The following ONECUT1 variants were observed in gnomAD, a reference collection of about 807,000 sequenced individuals.
ONECUT1 encodes the protein hepatocyte nuclear factor 6.
ONECUT1 carries 12 observed loss-of-function variants against 25.6 expected under a neutral mutation model. That is an observed-to-expected ratio of 0.47 (90% CI 0.30 to 0.76). The LOEUF (loss-of-function observed/expected upper bound fraction) is 0.76. ONECUT1 is among the 30% of genes least tolerant of loss of function. The probability of loss-of-function intolerance (pLI) is 0.07; values close to 1 mark genes in which losing one functional copy is unlikely to be tolerated. For synonymous variants in ONECUT1, 285 were observed against 270.2 expected (o/e 1.05, Z -0.54); for missense variants, 620 against 651.2 (o/e 0.95, Z 0.52).
intron 1 of ONECUT1, among the ~76,000 whole-genome samples, chr15:52,776,184 C>A (rs1316729703): frequency 2.6e-5 from 4 of 152,242 alleles, no homozygotes; most frequent in Non-Finnish European, 5.9e-5. Flanking sequence ...AACAATCTAA[C>A]TGATTGGATG....
At chr15:52,778,813 C>T (rs1273059424) in intron 1 of ONECUT1, among the ~76,000 whole-genome samples, 2 of 152,140 alleles carry the variant, frequency 1.3e-5, no homozygotes, top group East Asian at 3.9e-4. Context: ...GATACATAGT[C>T]ATCATAGAAG....
chr15:52,777,522 A>G (rs922513668), intron 1 of ONECUT1, among the ~76,000 whole-genome samples: 40 of 152,272 alleles, frequency 2.6e-4, no homozygotes, highest in African/African-American at 9.6e-4. Context: ...TTTTAGCTTC[A>G]TAGTAATTCT....
intron 1 of ONECUT1, among the ~76,000 whole-genome samples, chr15:52,761,751 A>G (rs1265005060): frequency 6.6e-6 from 1 of 152,234 alleles, no homozygotes; most frequent in Non-Finnish European, 1.5e-5. Context: ...TTGGGCGGTC[A>G]AATCAAGAAG....
At position 52,788,693 on chromosome 15, in the gene ONECUT1, C is replaced by T; in HGVS notation, c.1105+87G>A. 1 of 1,430,300 alleles carries T rather than the reference C, an allele frequency of 7.0e-7. No individual in the cohort carries two copies. Among genetic ancestry groups the T allele is most frequent in the Non-Finnish European group, 9.5e-7 (1 of 1,056,124 alleles). 88.6% of individuals were successfully genotyped at this position (1,430,300 alleles called of 1,614,324 possible). ...AGGGGCGGGCGGGATGAAGCGCACC[C>T]AGCCCTCTCTCCTACCCTTCCTCCT... On this transcript the variant is annotated intron_variant, in intron 1 of 1. Transcript: ENST00000305901. This position sits in a 1 kb window ranked among gnomAD's most constrained non-coding sequence, Gnocchi z 4.3.
chr15:52,757,487 C>A lies in ONECUT1; in HGVS notation c.*68G>T, dbSNP rs2083679815. 4 of 1,492,510 alleles carry A rather than the reference C, an allele frequency of 2.7e-6. No individual in the cohort carries two copies. The highest frequency in any genetic ancestry group is 3.6e-6 in the Non-Finnish European group (4 of 1,107,910). 92.5% of individuals were successfully genotyped at this position (1,492,510 alleles called of 1,614,324 possible). A position where few individuals can be genotyped will look rare whatever the true frequency, so the allele number is the denominator to read the frequency against. ...AAGTATAAACCTGCTATCTTGAGGT[C>A]CTGGTCTTTTAAAAATTTTTTTTAA... On this transcript the variant is annotated 3_prime_UTR_variant, in exon 2 of 2. Transcript: ENST00000305901.
intron 1 of ONECUT1, among the ~76,000 whole-genome samples, chr15:52,769,293 C>T (rs2083752457): frequency 6.6e-6 from 1 of 152,202 alleles, no homozygotes; most frequent in East Asian, 1.9e-4. Flanking sequence ...TGGATTATTT[C>T]CTTGGCATAC....
Position 52,757,435 on chromosome 15 carries a change from A to T in ONECUT1, c.*120T>A, listed in dbSNP as rs1371244573. The stretch of plus-strand genomic sequence containing the variant: ...TCTTTGGTTTCTTTGGACTATAAAT[A>T]ACGCTTTTTTTTCTTCAAATATTTC... On this transcript the variant is annotated 3_prime_UTR_variant, in exon 2 of 2. Transcript: ENST00000305901. 6 of 1,171,582 alleles carry T rather than the reference A, an allele frequency of 5.1e-6. No homozygotes were observed. Among genetic ancestry groups the T allele is most frequent in the Non-Finnish European group, 7.2e-6 (6 of 836,106 alleles). The allele number at this position is 1,171,582 out of a possible 1,614,324, so 72.6% of individuals were successfully genotyped here. A position where few individuals can be genotyped will look rare whatever the true frequency, so the allele number is the denominator to read the frequency against.
chr15:52,778,785 T>A (rs1182578909), intron 1 of ONECUT1, among the ~76,000 whole-genome samples: 1 of 152,160 alleles, frequency 6.6e-6, no homozygotes, highest in Non-Finnish European at 1.5e-5. Context: ...GGGCCCCAAC[T>A]AAGCTTCCCC....
intron 1 of ONECUT1, among the ~76,000 whole-genome samples, chr15:52,759,382 C>T (rs1596044592): frequency 6.6e-6 from 1 of 152,162 alleles, no homozygotes; most frequent in African/African-American, 2.4e-5. Flanking sequence ...GCCATTGGTA[C>T]AAATTAGCTC....
In ONECUT1 at chr15:52,790,187, G is replaced by A. The variant is rs1297083295; in HGVS notation, c.-303C>T. On this transcript the variant is annotated 5_prime_UTR_variant, in exon 1 of 2. Transcript: ENST00000305901. The stretch of plus-strand genomic sequence containing the variant: ...GGATCCGCGCCGTTGGGAGAGCGCA[G>A]TGCCCCAGCCCGCCCGCCTCGGCCA... Among the ~76,000 whole-genome samples, 1 of 150,612 alleles carries A rather than the reference G, an allele frequency of 6.6e-6. No individual in the cohort carries two copies. Among genetic ancestry groups the A allele is most frequent in the Non-Finnish European group, 1.5e-5 (1 of 67,612 alleles).
intron 1 of ONECUT1, among the ~76,000 whole-genome samples, chr15:52,777,743 A>C (rs1308188496): frequency 1.4e-5 from 2 of 140,754 alleles, no homozygotes; most frequent in Non-Finnish European, 3.0e-5. Flanking sequence ...CACACAAAAA[A>C]ACATGTAAAG....
chr15:52,778,591 C>G (rs1411684802), intron 1 of ONECUT1, among the ~76,000 whole-genome samples: 1 of 152,236 alleles, frequency 6.6e-6, no homozygotes, highest in African/African-American at 2.4e-5. Context: ...TCCTTGCTAA[C>G]AGCTTGTCTT....
At chr15:52,776,671 C>T (rs1596052963) in intron 1 of ONECUT1, among the ~76,000 whole-genome samples, 2 of 152,172 alleles carry the variant, frequency 1.3e-5, no homozygotes, top group East Asian at 1.9e-4. Context: ...TCCCACAGAA[C>T]TTTATTTCTA....
At chr15:52,780,726 T>G in intron 1 of ONECUT1, 1 of 1,503,788 alleles carries the variant, frequency 6.6e-7, no homozygotes, top group Non-Finnish European at 8.8e-7. Flanking sequence ...TTTGTTTATT[T>G]AATTTTCCCC....
At chr15:52,760,186 C>T (rs1005019283) in intron 1 of ONECUT1, among the ~76,000 whole-genome samples, 1 of 152,224 alleles carries the variant, frequency 6.6e-6, no homozygotes, top group East Asian at 1.9e-4. Context: ...ATCAACCTAA[C>T]GGGCAGTATT....
chr15:52,788,655 C>T lies in ONECUT1; in HGVS notation c.1105+125G>A, dbSNP rs1360095250. ...TGGCCCTTCCAGGCACAGGGAGTCC[C>T]CCTTCTAGGGGTAGGGGCGGGCGGG... On this transcript the variant is annotated intron_variant, in intron 1 of 1. Coordinates refer to ENST00000305901, the MANE Select transcript of ONECUT1 (RefSeq NM_004498.4). The surrounding 1 kb of genome is among the most constrained non-coding windows in gnomAD (Gnocchi z 4.3). 6.6e-6 allele frequency: 7 copies of T among 1,068,676 alleles called. No individual in the cohort carries two copies. Among genetic ancestry groups the T allele is most frequent in the African/African-American group, 1.6e-5 (1 of 63,262 alleles). 66.2% of individuals were successfully genotyped at this position (1,068,676 alleles called of 1,614,324 possible).
Position 52,790,037 on chromosome 15 carries a change from C to CTCTCT in ONECUT1, c.-154_-153insAGAGA. 3 of 1,157,494 alleles carry CTCTCT rather than the reference C, an allele frequency of 2.6e-6. No individual in the cohort carries two copies. The African/African-American group carries it at 5.0e-5, about 19-fold the overall frequency. 71.7% of individuals were successfully genotyped at this position (1,157,494 alleles called of 1,614,324 possible). ...GCTCTGTCTCTCTCTCTCTCTCTCT[C>CTCTCT]CGTGTGTGTGTGTCCGTGTGTGCGT... On this transcript the variant is annotated 5_prime_UTR_variant, in exon 1 of 2. Transcript: ENST00000305901.
Position 52,784,624 on chromosome 15 carries a change from A to C in ONECUT1, c.1105+4156T>G, listed in dbSNP as rs1228929955. Among the ~76,000 whole-genome samples the C allele has an allele frequency of 6.6e-6, 1 of 151,590 alleles. No individual in the cohort carries two copies. The highest frequency in any genetic ancestry group is 1.5e-5 in the Non-Finnish European group (1 of 67,836). On this transcript the variant is annotated intron_variant, in intron 1 of 1. Transcript: ENST00000305901. The surrounding 1 kb of genome is among the most constrained non-coding windows in gnomAD (Gnocchi z 5.0). ...GGTTTATGCCCGTTACACAGAGAGA[A>C]CTACACAGGGGGAACTATGGTCCTA...
Position 52,756,286 on chromosome 15 carries a change from A to C in ONECUT1, c.*1269T>G, listed in dbSNP as rs1414725626. On this transcript the variant is annotated 3_prime_UTR_variant, in exon 2 of 2. Coordinates refer to ENST00000305901, the MANE Select transcript of ONECUT1 (RefSeq NM_004498.4). ...GTACTGAATAGCTCATTTGAATAAT[A>C]ATGTTGTTTTTTTAAACTTTATTTG... Among the ~76,000 whole-genome samples, 9 of 152,212 alleles carry C rather than the reference A, an allele frequency of 5.9e-5. No individual in the cohort carries two copies. In the East Asian group the frequency reaches 1.7e-3, roughly 29 times the overall value.
Sources: allele counts gnomAD v4.1 joint callset (sites outside exome capture counted in the v4.1 genomes callset), GRCh38; gene constraint gnomAD v4.1.1; non-coding constraint Gnocchi (gnomAD v3.1); transcripts MANE v1.5; gene names NCBI Gene and HGNC (gene_info 2026-07-23, HGNC 2026-07-21).